Variants in GTF2IRD1 observed in about 807,000 individuals in gnomAD.
GTF2IRD1 encodes the protein general transcription factor II-I repeat domain-containing protein 1.
A neutral mutation model predicts 113.2 loss-of-function variants in GTF2IRD1; 26 were observed. The ratio of observed to expected loss-of-function variants is 0.23; its 90% CI spans 0.17 to 0.32. The LOEUF (loss-of-function observed/expected upper bound fraction) is 0.32. Among genes scored for constraint, GTF2IRD1 ranks in the 10% least tolerant of loss-of-function variants. GTF2IRD1 has a pLI of 1.00. For synonymous variants in GTF2IRD1, 484 were observed against 529.1 expected, an observed-to-expected ratio of 0.91 and a Z score of 1.17; for missense variants, 864 against 1,280.8, an observed-to-expected ratio of 0.67 and a Z score of 4.97.
intron 22 of GTF2IRD1, among the ~76,000 whole-genome samples, chr7:74,580,581 T>TC (rs1421273196): frequency 6.6e-6 from 1 of 151,856 alleles, no homozygotes; most frequent in African/African-American, 2.4e-5. Context: ...CTTTTTTTTT[T>TC]CCCCCTTGGC....
At chr7:74,486,469 C>G (rs1795035349) in intron 1 of GTF2IRD1, among the ~76,000 whole-genome samples, 1 of 152,130 alleles carries the variant, frequency 6.6e-6, no homozygotes, top group Non-Finnish European at 1.5e-5. Context: ...GGGATTGAGC[C>G]CCCCATTGCC....
intron 2 of GTF2IRD1, among the ~76,000 whole-genome samples, chr7:74,511,588 G>C (rs1163089123): frequency 3.3e-5 from 5 of 152,226 alleles, no homozygotes; most frequent in African/African-American, 4.8e-5. Flanking sequence ...GGACCCTGGA[G>C]GACAGGCTTC....
chr7:74,572,170 G>T (rs1554362845), intron 22 of GTF2IRD1, among the ~76,000 whole-genome samples: 3 of 152,176 alleles, frequency 2.0e-5, no homozygotes, highest in Non-Finnish European at 4.4e-5. Context: ...AGCCAGGCCT[G>T]GATGCTAGTG....
At chr7:74,547,541 C>T (rs1452010741) in intron 17 of GTF2IRD1, among the ~76,000 whole-genome samples, 3 of 148,696 alleles carry the variant, frequency 2.0e-5, no homozygotes, top group Admixed American at 6.9e-5. Flanking sequence ...TGGCTTCAAG[C>T]GAGTCTCCTG....
chr7:74,565,393 T>C (rs1554360366), intron 22 of GTF2IRD1, among the ~76,000 whole-genome samples: 1 of 151,948 alleles, frequency 6.6e-6, no homozygotes, highest in Non-Finnish European at 1.5e-5. Context: ...GGCATGGTGG[T>C]GCACTCCTGT....
intron 3 of GTF2IRD1, among the ~76,000 whole-genome samples, chr7:74,514,174 C>T (rs1796788252): frequency 6.6e-6 from 1 of 152,164 alleles, no homozygotes; most frequent in East Asian, 1.9e-4. Flanking sequence ...ACTTGGTTCA[C>T]ACTCAATAGA....
intron 22 of GTF2IRD1, among the ~76,000 whole-genome samples, chr7:74,565,064 A>C (rs1349637483): frequency 1.1e-3 from 3 of 2,684 alleles, no homozygotes; most frequent in Non-Finnish European, 2.1e-3. Flanking sequence ...TTGCAGAGGG[A>C]TGGGGGGGAC....
chr7:74,512,615 T>A lies in GTF2IRD1; in HGVS notation c.124-215T>A, dbSNP rs1055629097. On this transcript the variant is annotated intron_variant, in intron 2 of 26. Coordinates refer to ENST00000424337, the MANE Select transcript of GTF2IRD1 (RefSeq NM_005685.4). This position sits in a 1 kb window ranked among gnomAD's most constrained non-coding sequence, Gnocchi z 4.4. ...TGGAGGGAGGAGCAGAGGACACTTGTCCTCCTCCACCCCCCATCGCCAATG... is the reference window on the plus strand; with the variant it reads ...TGGAGGGAGGAGCAGAGGACACTTGACCTCCTCCACCCCCCATCGCCAATG... 1.4e-5 allele frequency among the ~76,000 whole-genome samples: 2 copies of A among 146,898 alleles called. No individual in the cohort carries two copies. The highest frequency in any genetic ancestry group is 2.9e-5 in the Non-Finnish European group (2 of 68,018).
intron 11 of GTF2IRD1, 28 bp downstream of exon 11, chr7:74,536,303 C>T: frequency 7.0e-7 from 1 of 1,433,980 alleles, no homozygotes; most frequent in Non-Finnish European, 9.8e-7. Context: ...GCCCCGGAGG[C>T]CCGCGGCCAG....
chr7:74,555,366 C>T lies in GTF2IRD1; in HGVS notation c.1967-72C>T, dbSNP rs782568401. ...TCCCCACACCCCCACATTGGGTTTC[C>T]CCTAACGATGCCATCTTGGGTCCCA... On this transcript the variant is annotated intron_variant, in intron 18 of 26. Transcript: ENST00000424337. This position sits in a 1 kb window ranked among gnomAD's most constrained non-coding sequence, Gnocchi z 5.3. 6 of 1,552,996 alleles carry T rather than the reference C, an allele frequency of 3.9e-6. No homozygotes were observed. Among genetic ancestry groups the T allele is most frequent in the Admixed American group, 3.3e-5 (2 of 59,830 alleles).
chr7:74,599,011 T>C (rs587719082), intron 25 of GTF2IRD1, among the ~76,000 whole-genome samples: 1 of 152,144 alleles, frequency 6.6e-6, no homozygotes, highest in East Asian at 1.9e-4. Flanking sequence ...ACCCTTCCGG[T>C]GGGCTGAGTG....
chr7:74,473,919 T>C (rs1794251378), intron 1 of GTF2IRD1, among the ~76,000 whole-genome samples: 1 of 152,112 alleles, frequency 6.6e-6, no homozygotes, highest in Admixed American at 6.5e-5. Flanking sequence ...AAACCCCGTC[T>C]GTACTAAAAA....
chr7:74,459,618 C>T (rs989467708), intron 1 of GTF2IRD1, among the ~76,000 whole-genome samples: 14 of 152,176 alleles, frequency 9.2e-5, no homozygotes, highest in African/African-American at 3.4e-4. Context: ...GTGTGCCCAC[C>T]TGTCACCCTC....
chr7:74,524,447 G>A (rs1387896423), intron 8 of GTF2IRD1, among the ~76,000 whole-genome samples: 2 of 152,196 alleles, frequency 1.3e-5, no homozygotes. Flanking sequence ...TCTGGGGGCC[G>A]GGCGCAGTGG....
rs35760074 is a variant in GTF2IRD1, at chr7:74,508,690, T to TAAAAAAAA, written c.123+499_123+506dup. ...TGGGTGACAGGGCAAGACTCCGTCT[T>TAAAAAAAA]AAAAAAAAAAAAAAAAAAATCTAGC... On this transcript the variant is annotated intron_variant, in intron 2 of 26. Coordinates refer to ENST00000424337, the MANE Select transcript of GTF2IRD1 (RefSeq NM_005685.4). Among the ~76,000 whole-genome samples, 2,256 of 131,718 alleles carry TAAAAAAAA rather than the reference T, an allele frequency of 0.017. 179 individuals carry two copies. In the East Asian group the frequency reaches 0.29, roughly 17 times the overall value. 86.4% of individuals were successfully genotyped at this position (131,718 alleles called of 152,430 possible). A position where few individuals can be genotyped will look rare whatever the true frequency, so the allele number is the denominator to read the frequency against.
At chr7:74,595,667 T>G (rs117364363) in intron 25 of GTF2IRD1, among the ~76,000 whole-genome samples, 3,724 of 152,212 alleles carry the variant, frequency 0.024, 60 homozygotes, top group Non-Finnish European at 0.032. Flanking sequence ...GAGGTCTCCA[T>G]GAACAGAGCC....
chr7:74,510,817 G>T (rs1309967257), intron 2 of GTF2IRD1, among the ~76,000 whole-genome samples: 1 of 151,976 alleles, frequency 6.6e-6, no homozygotes, highest in African/African-American at 2.4e-5. Context: ...GAGAGGCTGA[G>T]TGGGGCAGAT....
In GTF2IRD1 at chr7:74,477,851, C is replaced by T. The variant is rs1584480635; in HGVS notation, c.-7+23675C>T. On this transcript the variant is annotated intron_variant, in intron 1 of 26. Transcript: ENST00000424337. ...GGGCTTTTTTCCGTCCAGCCTTTTC[C>T]CGACAAGAAAAGGCCTGATGTTCCT... is the stretch of plus-strand genomic sequence containing the variant. Among the ~76,000 whole-genome samples, 4 of 152,288 alleles carry T rather than the reference C, an allele frequency of 2.6e-5. No homozygotes were observed. In the East Asian group the frequency reaches 7.7e-4, roughly 29 times the overall value.
intron 1 of GTF2IRD1, among the ~76,000 whole-genome samples, chr7:74,478,451 T>G (rs569002241): frequency 6.2e-4 from 94 of 151,032 alleles, no homozygotes; most frequent in African/African-American, 2.2e-3. Flanking sequence ...AGTTTGAGCA[T>G]TGTGTGTGTG....
Sources: allele counts gnomAD v4.1 joint callset (sites outside exome capture counted in the v4.1 genomes callset), GRCh38; gene constraint gnomAD v4.1.1; non-coding constraint Gnocchi (gnomAD v3.1); transcripts MANE v1.5; gene names NCBI Gene and HGNC (gene_info 2026-07-23, HGNC 2026-07-21).